DNAH2: variants seen among roughly 807,000 people sequenced by gnomAD.
DNAH2 encodes the protein dynein axonemal heavy chain 2.
Under a neutral mutation model 523.5 loss-of-function variants are expected in DNAH2, and 323 were observed. That is an observed-to-expected ratio of 0.62 (90% confidence interval 0.56 to 0.68). The LOEUF is 0.68. Among genes scored for constraint, DNAH2 ranks in the 30% least tolerant of loss-of-function variants. The pLI, the probability that DNAH2 is intolerant of heterozygous loss-of-function variation, is 0.00. For missense variants in DNAH2, 4,907 were observed against 5,701.5 expected (o/e 0.86, Z 4.49); for synonymous variants, 2,093 against 2,177.4 (o/e 0.96, Z 1.08).
rs554322383 is a variant in DNAH2, at chr17:7,754,498, AAGTTCCTG to A, written c.1905-2590_1905-2583del. 1 of 795,910 alleles carries A rather than the reference AAGTTCCTG, an allele frequency of 1.3e-6. No homozygotes were observed. The highest frequency in any genetic ancestry group is 2.1e-6 in the Non-Finnish European group (1 of 482,344). The allele number at this position is 795,910 out of a possible 1,614,324, so 49.3% of individuals were successfully genotyped here. A position where few individuals can be genotyped will look rare whatever the true frequency, so the allele number is the denominator to read the frequency against. ...CAAATCTCTTAAGGGGGTGGACTCC[AAGTTCCTG>A]AGGAACATGCGCTTTGCCAAGAAGC... On this transcript the variant is annotated intron_variant, in intron 12 of 85. Coordinates refer to ENST00000572933, the MANE Select transcript of DNAH2 (RefSeq NM_020877.5). The surrounding 1 kb of genome is among the most constrained non-coding windows in gnomAD (Gnocchi z 4.6).
intron 44 of DNAH2, among the ~76,000 whole-genome samples, chr17:7,790,894 G>A (rs1448487011): frequency 6.6e-5 from 10 of 151,578 alleles, no homozygotes; most frequent in Non-Finnish European, 1.5e-4. Context: ...TTGTTGTTGA[G>A]ACAGGTTTCA....
At position 7,787,887 on chromosome 17, in the gene DNAH2, C is replaced by G; in HGVS notation, c.6631C>G (p.Leu2211Val). 1 of 1,614,022 alleles carries G rather than the reference C, an allele frequency of 6.2e-7. No individual in the cohort carries two copies. The highest frequency in any genetic ancestry group is 8.5e-7 in the Non-Finnish European group (1 of 1,179,930). ...GTCTCTCCTGTTTGAAGTGGAGGAC[C>G]TGGCAATGGCCTCTCCGGCCACTGT... ...QVSLLFEVED[L>V]AMASPATVSR... The change falls in exon 43 of 86, where the codon CTG becomes GTG. Residue 2211 changes from leucine to valine, a missense_variant. By Grantham distance (32) the Leu-to-Val change is conservative (BLOSUM62 1). This residue lies in a region of DNAH2 where 2,806 missense variants were observed against 3,190.8 expected (regional missense o/e 0.88). Transcript: ENST00000572933.
chr17:7,745,885 C>T (rs138368767), intron 12 of DNAH2, among the ~76,000 whole-genome samples: 10 of 152,138 alleles, frequency 6.6e-5, no homozygotes, highest in Admixed American at 3.3e-4. Context: ...GGTCAGCCAG[C>T]GAGAGTAGAT....
Position 7,819,056 on chromosome 17 carries a change from C to T in DNAH2, c.10808C>T (p.Ala3603Val), listed in dbSNP as rs759666638. Residue 3603 changes from alanine to valine, a missense_variant, in exon 71 of 86, where the codon GCG becomes GTG. Ala to Val is a moderately conservative substitution (Grantham distance 64, BLOSUM62 0). Coordinates refer to ENST00000572933, the MANE Select transcript of DNAH2 (RefSeq NM_020877.5). ...SETTEINTDL[A>V]REAYRPCAQR... The stretch of plus-strand genomic sequence containing the variant: ...ACCACAGAGATCAACACTGACTTGG[C>T]GCGGGAGGTAAGCTCCCGGCCCTCC... The T allele has an allele frequency of 9.4e-6, 15 of 1,604,244 alleles. No homozygotes were observed. In the East Asian group the frequency reaches 1.3e-4, roughly 14 times the overall value.
chr17:7,788,991 C>A (rs1479519083), intron 44 of DNAH2, among the ~76,000 whole-genome samples: 2 of 152,204 alleles, frequency 1.3e-5, no homozygotes, highest in African/African-American at 2.4e-5. Context: ...ATGGTGAAAC[C>A]CTGTCTCTAC....
Position 7,804,299 on chromosome 17 carries a change from A to G in DNAH2, c.9016A>G (p.Lys3006Glu). ...GCAGGAGCTGCTGGCCCAAGCCAATAAACTGCGGACAGGCTTGTTCAAGAT... is the reference window on the plus strand; with the variant it reads ...GCAGGAGCTGCTGGCCCAAGCCAATGAACTGCGGACAGGCTTGTTCAAGAT... ...KRQELLAQAN[K>E]LRTGLFKIDE... The change falls in exon 59 of 86, where the codon AAA becomes GAA. Residue 3006 changes from lysine (K) to glutamate (E), a missense_variant. This residue lies in a region of DNAH2 where 1,851 missense variants were observed against 2,139.4 expected (regional missense o/e 0.87). Transcript: ENST00000572933. 1 of 1,614,156 alleles carries G rather than the reference A, an allele frequency of 6.2e-7. No homozygotes were observed. The highest frequency in any genetic ancestry group is 8.5e-7 in the Non-Finnish European group (1 of 1,180,024).
chr17:7,813,350 C>G (rs2151314959), intron 63 of DNAH2, among the ~76,000 whole-genome samples: 1 of 151,990 alleles, frequency 6.6e-6, no homozygotes, highest in African/African-American at 2.4e-5. Context: ...CTCTGCCTCC[C>G]AGAGTGCTGG....
intron 76 of DNAH2, 77 bp from the exon 77 acceptor site, chr17:7,824,460 C>T: frequency 7.0e-7 from 1 of 1,423,058 alleles, no homozygotes; most frequent in South Asian, 1.6e-5. Flanking sequence ...GCACCCCCAC[C>T]CCAACACCAG....
intron 73 of DNAH2, among the ~76,000 whole-genome samples, chr17:7,823,007 A>AT (rs1267647149): frequency 1.3e-5 from 2 of 152,048 alleles, no homozygotes; most frequent in Non-Finnish European, 2.9e-5. Context: ...TACAAAAGCC[A>AT]TTTTGGGCTG....
Position 7,754,964 on chromosome 17 carries a change from C to T in DNAH2, c.1905-2127C>T. On this transcript the variant is annotated intron_variant, in intron 12 of 85. Coordinates refer to ENST00000572933, the MANE Select transcript of DNAH2 (RefSeq NM_020877.5). This position sits in a 1 kb window ranked among gnomAD's most constrained non-coding sequence, Gnocchi z 4.6. ...GCTATTGGTACAAATAAGCCTGAGG[C>T]AGAAAAAAAAAAAAAAAGAATAGGC... The T allele has an allele frequency of 3.2e-6, 1 of 314,634 alleles. No homozygotes were observed. The allele number at this position is 314,634 out of a possible 1,614,324, so 19.5% of individuals were successfully genotyped here. A position where few individuals can be genotyped will look rare whatever the true frequency, so the allele number is the denominator to read the frequency against.
At chr17:7,769,741 A>G (rs2076265251) in intron 24 of DNAH2, among the ~76,000 whole-genome samples, 1 of 152,232 alleles carries the variant, frequency 6.6e-6, no homozygotes, top group Non-Finnish European at 1.5e-5. Context: ...TGTTTCAATC[A>G]TGATCTATCC....
chr17:7,794,408 C>A (rs200892905), intron 49 of DNAH2, 50 bp downstream of exon 49: 105 of 1,521,358 alleles, frequency 6.9e-5, no homozygotes, highest in Non-Finnish European at 8.9e-5. Flanking sequence ...GGAGGTGAAA[C>A]GTGTCTGTCT....
Position 7,740,938 on chromosome 17 carries a change from C to T in DNAH2, c.1635C>T (p.Ser545=), listed in dbSNP as rs776923082. The change falls in exon 11 of 86, where the codon TCC becomes TCT. Residue 545 remains serine (S), a synonymous_variant. Coordinates refer to ENST00000572933, the MANE Select transcript of DNAH2 (RefSeq NM_020877.5). ...PDLEPYVAQY[S]GKARWVHILR... ...TGGAGCCCTACGTGGCCCAGTATTCCGGAAAGGCGCGCTGGGTGCACATCC... is the reference window on the plus strand; with the variant it reads ...TGGAGCCCTACGTGGCCCAGTATTCTGGAAAGGCGCGCTGGGTGCACATCC... 8 of 1,613,102 alleles carry T rather than the reference C, an allele frequency of 5.0e-6. No individual in the cohort carries two copies. The highest frequency in any genetic ancestry group is 1.7e-4 in the Middle Eastern group (1 of 6,024).
chr17:7,811,826 G>A (rs1311913757), intron 63 of DNAH2, among the ~76,000 whole-genome samples: 1 of 152,156 alleles, frequency 6.6e-6, no homozygotes, highest in African/African-American at 2.4e-5. Flanking sequence ...CCGTAGCAGG[G>A]TGGGGGTTCT....
chr17:7,823,868 G>A lies in DNAH2; in HGVS notation c.11364G>A (p.Arg3788=). 6.2e-7 allele frequency: 1 copy of A among 1,614,146 alleles called. No individual in the cohort carries two copies. The highest frequency in any genetic ancestry group is 8.5e-7 in the Non-Finnish European group (1 of 1,180,030). Residue 3788 remains arginine (R), a synonymous_variant, in exon 75 of 86, where the codon CGG becomes CGA. Coordinates refer to ENST00000572933, the MANE Select transcript of DNAH2 (RefSeq NM_020877.5). ...EWENACNEMQ[R]MLIVRSLRQD... ...AAAATGCCTGCAATGAAATGCAACG[G>A]ATGCTGATCGTTCGCTCCCTGCGCC...
chr17:7,765,577 T>G lies in DNAH2; in HGVS notation c.3511+12T>G. 1 of 1,607,518 alleles carries G rather than the reference T, an allele frequency of 6.2e-7. No homozygotes were observed. The highest frequency in any genetic ancestry group is 8.5e-7 in the Non-Finnish European group (1 of 1,176,414). ...TTTCGAATTCAAAGGTACTCCTTGA[T>G]CCACCTCTCCCGCTTCTTTAGCCTT... On this transcript the variant is annotated intron_variant, in intron 21 of 85. Coordinates refer to ENST00000572933, the MANE Select transcript of DNAH2 (RefSeq NM_020877.5).
Position 7,766,350 on chromosome 17 carries a change from G to A in DNAH2, c.3544G>A (p.Ala1182Thr), listed in dbSNP as rs748933709. The change falls in exon 22 of 86, where the codon GCC becomes ACC. Residue 1182 changes from alanine (A) to threonine (T), a missense_variant. Ala to Thr is a moderately conservative substitution (Grantham distance 58, BLOSUM62 0). Around this residue, in one of 3 missense-constraint regions of DNAH2, gnomAD observed 2,806 missense variants for 3,190.8 expected, o/e 0.88. Transcript: ENST00000572933. ...CACCAGCAACGTGGGATACATGTCTGCCTTAGACCAGATTACACAAGTGCG... is the reference window on the plus strand; with the variant it reads ...CACCAGCAACGTGGGATACATGTCTACCTTAGACCAGATTACACAAGTGCG... ...HFTSNVGYMS[A>T]LDQITQVRAM... 3 of 1,614,000 alleles carry A rather than the reference G, an allele frequency of 1.9e-6. No homozygotes were observed. The South Asian group carries it at 3.3e-5, about 18-fold the overall frequency.
intron 63 of DNAH2, among the ~76,000 whole-genome samples, chr17:7,809,259 C>A (rs1256264177): frequency 2.0e-5 from 3 of 152,228 alleles, no homozygotes; most frequent in Non-Finnish European, 4.4e-5. Flanking sequence ...ATCAAGGGCT[C>A]ACTGGCTCGT....
intron 7 of DNAH2, 48 bp downstream of exon 7, chr17:7,734,756 G>C: frequency 6.3e-7 from 1 of 1,586,214 alleles, no homozygotes; most frequent in Non-Finnish European, 8.6e-7. Context: ...AGTGGGCAAT[G>C]GTTGGGATGA....
Sources: allele counts gnomAD v4.1 joint callset (sites outside exome capture counted in the v4.1 genomes callset), GRCh38; gene constraint gnomAD v4.1.1; regional missense constraint gnomAD v4.1.1; non-coding constraint Gnocchi (gnomAD v3.1); transcripts MANE v1.5; gene names NCBI Gene and HGNC (gene_info 2026-07-23, HGNC 2026-07-21).